The following CLDN5 variants were observed in gnomAD, a reference collection of about 807,000 sequenced individuals.
The protein encoded by CLDN5 is claudin-5.
A neutral mutation model predicts 1.3 loss-of-function variants in CLDN5; 4 were observed. The observed-to-expected ratio is 3.07, with a 90% CI of 1.51 to 7.03. The LOEUF (loss-of-function observed/expected upper bound fraction) is 7.03. Among genes scored for constraint, CLDN5 ranks in the 30% most tolerant of loss-of-function variants. The pLI is 0.00. For missense variants in CLDN5, 225 were observed against 303.5 expected, an observed-to-expected ratio of 0.74 and a Z score of 1.92; for synonymous variants, 156 against 152.3, an observed-to-expected ratio of 1.02 and a Z score of -0.18.
chr22:19,524,454 T>C, upstream of CLDN5: 1 of 1,434,874 alleles, frequency 7.0e-7, no homozygotes, highest in Non-Finnish European at 9.1e-7. Flanking sequence ...CGGGGGCGGA[T>C]TCTGTCCCCC....
chr22:19,524,097 C>G lies in CLDN5; in HGVS notation c.159G>C (p.Ser53=), dbSNP rs1470028709. The change falls in exon 1 of 1, where the codon TCG becomes TCC. Residue 53 remains serine (S), a synonymous_variant. Transcript: ENST00000618236. The stretch of plus-strand genomic sequence containing the variant: ...TGTGCCCGGTGCTCTGCACCACGCA[C>G]GACATCCACAGCCCCTTCCAGGTGG... ...AQTTWKGLWM[S]CVVQSTGHMQ... is the part of the protein sequence containing the mutation. The G allele has an allele frequency of 1.2e-6, 2 of 1,607,212 alleles. No homozygotes were observed. The highest frequency in any genetic ancestry group is 1.3e-5 in the African/African-American group (1 of 75,044).
chr22:19,523,797 G>C lies in CLDN5; in HGVS notation c.459C>G (p.Pro153=). The C allele has an allele frequency of 6.2e-7, 1 of 1,606,530 alleles. No homozygotes were observed. Among genetic ancestry groups the C allele is most frequent in the Admixed American group, 1.7e-5 (1 of 58,908 alleles). The change falls in exon 1 of 1, where the codon CCC becomes CCG. Residue 153 remains proline, a synonymous_variant. Transcript: ENST00000618236. ...VVREFYDPSV[P]VSQKYELGAA... is the part of the protein sequence containing the mutation. ...CGCCCAGCTCGTACTTCTGCGACAC[G>C]GGCACAGACGGGTCGTAAAACTCGC...
Position 19,523,428 on chromosome 22 carries a change from G to A in CLDN5, c.*171C>T. On this transcript the variant is annotated 3_prime_UTR_variant, in exon 1 of 1. Coordinates refer to ENST00000618236, the MANE Select transcript of CLDN5 (RefSeq NM_001363066.2). The stretch of plus-strand genomic sequence containing the variant: ...AGTGGCAGGAGAAGGTCAGCTGCGG[G>A]CGCAGGCAGGAGCGGATCCAGGAGC... 1.1e-6 allele frequency: 1 copy of A among 878,702 alleles called. No individual in the cohort carries two copies. The highest frequency in any genetic ancestry group is 1.6e-6 in the Non-Finnish European group (1 of 607,712). 54.4% of individuals were successfully genotyped at this position (878,702 alleles called of 1,614,324 possible). A position where few individuals can be genotyped will look rare whatever the true frequency, so the allele number is the denominator to read the frequency against.
In CLDN5 at chr22:19,523,619, C is replaced by A; in HGVS notation, c.637G>T (p.Asp213Tyr). The change falls in exon 1 of 1, where the codon GAC becomes TAC. Residue 213 changes from aspartate to tyrosine, a missense_variant. This residue lies in a region of CLDN5 where 165 missense variants were observed against 211.9 expected (regional missense o/e 0.78). Coordinates refer to ENST00000618236, the MANE Select transcript of CLDN5 (RefSeq NM_001363066.2). ...PRRPTATGDY[D>Y]KKNYV ...CGCCCTCAGACGTAGTTCTTCTTGT[C>A]GTAGTCGCCGGTGGCCGTGGGCCGC... is the stretch of plus-strand genomic sequence containing the variant. 6.3e-7 allele frequency: 1 copy of A among 1,597,238 alleles called. No homozygotes were observed.
At position 19,524,094 on chromosome 22, in the gene CLDN5, G is replaced by T. The variant is rs1157923478; in HGVS notation, c.162C>A (p.Cys54Ter). Residue 54 changes from cysteine (C) to a stop codon, truncating the protein, a stop_gained, in exon 1 of 1, where the codon TGC (cysteine) becomes TGA (stop). Transcript: ENST00000618236. LOFTEE classifies it low-confidence loss of function (END_TRUNC). ...GCATGTGCCCGGTGCTCTGCACCACGCACGACATCCACAGCCCCTTCCAGG... is the reference window on the plus strand; with the variant it reads ...GCATGTGCCCGGTGCTCTGCACCACTCACGACATCCACAGCCCCTTCCAGG... ...QTTWKGLWMS[C>*]VVQSTGHMQC... 6.2e-7 allele frequency: 1 copy of T among 1,606,732 alleles called. No homozygotes were observed. The highest frequency in any genetic ancestry group is 8.5e-7 in the Non-Finnish European group (1 of 1,179,744).
Position 19,524,122 on chromosome 22 carries a change from G to T in CLDN5, c.134C>A (p.Thr45Asn), listed in dbSNP as rs2146466015. Residue 45 changes from threonine to asparagine, a missense_variant, in exon 1 of 1, where the codon ACC (threonine) becomes AAC (asparagine). Around this residue, in one of 3 missense-constraint regions of CLDN5, gnomAD observed 19 missense variants for 51.1 expected, o/e 0.37. Coordinates refer to ENST00000618236, the MANE Select transcript of CLDN5 (RefSeq NM_001363066.2). ...CGACATCCACAGCCCCTTCCAGGTG[G>T]TCTGCGCCGTCACGATGTTGTGGTC... ...FLDHNIVTAQ[T>N]TWKGLWMSCV... 1 of 1,609,296 alleles carries T rather than the reference G, an allele frequency of 6.2e-7. No homozygotes were observed. The highest frequency in any genetic ancestry group is 8.5e-7 in the Non-Finnish European group (1 of 1,179,842).
upstream of CLDN5, chr22:19,524,460 C>A: frequency 1.4e-6 from 2 of 1,431,642 alleles, no homozygotes; most frequent in Non-Finnish European, 1.8e-6. Flanking sequence ...CGGATTCTGT[C>A]CCCCGGGCCC....
In CLDN5 at chr22:19,523,979, C is replaced by A. The variant is rs1202017889; in HGVS notation, c.277G>T (p.Val93Phe). 2 of 1,588,220 alleles carry A rather than the reference C, an allele frequency of 1.3e-6. No homozygotes were observed. The highest frequency in any genetic ancestry group is 2.3e-5 in the East Asian group (1 of 44,144). Residue 93 changes from valine (V) to phenylalanine (F), a missense_variant, in exon 1 of 1, where the codon GTT (valine) becomes TTT (phenylalanine). Val to Phe is a conservative substitution (Grantham distance 50). Coordinates refer to ENST00000618236, the MANE Select transcript of CLDN5 (RefSeq NM_001363066.2). ...CCCGCCAGGGTCACGAAGAGCGCAA[C>A]GAACGCCAGCAGCACGGCGCTCACG... ...LTVSAVLLAF[V>F]ALFVTLAGAQ...
At position 19,524,142 on chromosome 22, in the gene CLDN5, G is replaced by A; in HGVS notation, c.114C>T (p.His38=). 1.9e-6 allele frequency: 3 copies of A among 1,610,556 alleles called. No homozygotes were observed. Among genetic ancestry groups the A allele is most frequent in the South Asian group, 2.2e-5 (2 of 91,036 alleles). ...PMWQVTAFLD[H]NIVTAQTTWK... ...AGGTGGTCTGCGCCGTCACGATGTTGTGGTCCAGGAAGGCGGTCACCTGCC... is the reference window on the plus strand; with the variant it reads ...AGGTGGTCTGCGCCGTCACGATGTTATGGTCCAGGAAGGCGGTCACCTGCC... Residue 38 remains histidine (H), a synonymous_variant, in exon 1 of 1, where the codon CAC becomes CAT. Transcript: ENST00000618236.
rs1316977076 is a variant in CLDN5, at chr22:19,523,464, C to G, written c.*135G>C. The G allele has an allele frequency of 7.9e-7, 1 of 1,266,492 alleles. No individual in the cohort carries two copies. 78.5% of individuals were successfully genotyped at this position (1,266,492 alleles called of 1,614,324 possible). On this transcript the variant is annotated 3_prime_UTR_variant, in exon 1 of 1. Coordinates refer to ENST00000618236, the MANE Select transcript of CLDN5 (RefSeq NM_001363066.2). ...AGCGGATCCAGGAGCCGCGTCGGGG[C>G]GCAGAGCCGGACGTTCCGAGGAGCC...
At chr22:19,524,986 A>T, upstream of CLDN5, 1 of 1,006,292 alleles carries the variant, frequency 9.9e-7, no homozygotes, top group Non-Finnish European at 1.2e-6. Context: ...CCCATGGCAA[A>T]CAGAGAGGCC....
In CLDN5 at chr22:19,524,170, A is replaced by G. The variant is rs150374465; in HGVS notation, c.86T>C (p.Met29Thr). The G allele has an allele frequency of 1.2e-6, 2 of 1,611,284 alleles. No homozygotes were observed. The highest frequency in any genetic ancestry group is 1.1e-5 in the South Asian group (1 of 90,820). ...GTCCAGGAAGGCGGTCACCTGCCAC[A>G]TGGGCAGCCCGCACGCCAGGATCAG... ...GGLILACGLP[M>T]WQVTAFLDHN... The change falls in exon 1 of 1, where the codon ATG becomes ACG. Residue 29 changes from methionine (M) to threonine (T), a missense_variant. Met to Thr is a moderately conservative substitution (Grantham distance 81, BLOSUM62 -1). Coordinates refer to ENST00000618236, the MANE Select transcript of CLDN5 (RefSeq NM_001363066.2).
rs533261799 is a variant in CLDN5 at position 19,524,127 on chromosome 22, C to T, written c.129G>A (p.Ala43=). The part of the protein sequence containing the change: ...TAFLDHNIVT[A]QTTWKGLWMS... ...TCCACAGCCCCTTCCAGGTGGTCTG[C>T]GCCGTCACGATGTTGTGGTCCAGGA... Residue 43 remains alanine (A), a synonymous_variant, in exon 1 of 1, where the codon GCG becomes GCA. Transcript: ENST00000618236. 20 of 1,609,564 alleles carry T rather than the reference C, an allele frequency of 1.2e-5. No homozygotes were observed. The highest frequency in any genetic ancestry group is 1.3e-5 in the African/African-American group (1 of 75,048).
Position 19,524,007 on chromosome 22 carries a change from G to C in CLDN5, c.249C>G (p.Leu83=), listed in dbSNP as rs375234645. ...ACGCCAGCAGCACGGCGCTCACGGT[G>C]AGCGCCCGCGCCGCCTGCACCTCGG... ...LSTEVQAARA[L]TVSAVLLAFV... Residue 83 remains leucine, a synonymous_variant, in exon 1 of 1, where the codon CTC becomes CTG. Transcript: ENST00000618236. The C allele has an allele frequency of 6.3e-7, 1 of 1,591,438 alleles. No individual in the cohort carries two copies. The highest frequency in any genetic ancestry group is 8.5e-7 in the Non-Finnish European group (1 of 1,175,126).
chr22:19,523,784 ACTT>A lies in CLDN5; in HGVS notation c.469_471del (p.Lys157del). 1 of 1,606,144 alleles carries A rather than the reference ACTT, an allele frequency of 6.2e-7. No individual in the cohort carries two copies. The highest frequency in any genetic ancestry group is 8.5e-7 in the Non-Finnish European group (1 of 1,176,990). Reference sequence around the variant, plus strand: ...ATGTACAGCGCTGCGCCCAGCTCGTACTTCTGCGACACGGGCACAGACGGGTCG... The same window carrying A: ...ATGTACAGCGCTGCGCCCAGCTCGTACTGCGACACGGGCACAGACGGGTCG... On this transcript the variant is annotated inframe_deletion, in exon 1 of 1. Transcript: ENST00000618236.
rs766079245 is a variant in CLDN5, at chr22:19,523,773, G to A, written c.483C>T (p.Gly161=). 6.2e-7 allele frequency: 1 copy of A among 1,605,346 alleles called. No homozygotes were observed. Among genetic ancestry groups the A allele is most frequent in the Non-Finnish European group, 8.5e-7 (1 of 1,176,772 alleles). The change falls in exon 1 of 1, where the codon GGC becomes GGT. Residue 161 remains glycine, a synonymous_variant. Transcript: ENST00000618236. ...SVPVSQKYEL[G]AALYIGWAAT... The stretch of plus-strand genomic sequence containing the variant: ...CCGCCCAGCCGATGTACAGCGCTGC[G>A]CCCAGCTCGTACTTCTGCGACACGG...
chr22:19,524,247 G>C lies in CLDN5; in HGVS notation c.9C>G (p.Ser3=), dbSNP rs372721387. 1 of 1,578,104 alleles carries C rather than the reference G, an allele frequency of 6.3e-7. No individual in the cohort carries two copies. The highest frequency in any genetic ancestry group is 8.6e-7 in the Non-Finnish European group (1 of 1,162,656). MG[S]AALEILGLVL... ...CCAGGCCCAGGATCTCCAACGCTGC[G>C]GACCCCATGGCTAGAGGCGAGACGC... Residue 3 remains serine, a synonymous_variant, in exon 1 of 1, where the codon TCC becomes TCG. Coordinates refer to ENST00000618236, the MANE Select transcript of CLDN5 (RefSeq NM_001363066.2).
In CLDN5 at chr22:19,523,481, C is replaced by T. The variant is rs918646306; in HGVS notation, c.*118G>A. 6.7e-5 allele frequency: 93 copies of T among 1,386,480 alleles called. No homozygotes were observed. The highest frequency in any genetic ancestry group is 2.8e-4 in the Admixed American group (10 of 35,322). The allele number at this position is 1,386,480 out of a possible 1,614,324, so 85.9% of individuals were successfully genotyped here. A position where few individuals can be genotyped will look rare whatever the true frequency, so the allele number is the denominator to read the frequency against. ...CGTCGGGGCGCAGAGCCGGACGTTC[C>T]GAGGAGCCTGCGCGCCGCGCTACCC... On this transcript the variant is annotated 3_prime_UTR_variant, in exon 1 of 1. Transcript: ENST00000618236.
chr22:19,523,403 A>T lies in CLDN5; in HGVS notation c.*196T>A. On this transcript the variant is annotated 3_prime_UTR_variant, in exon 1 of 1. Transcript: ENST00000618236. ...CGTCTGTTAAGGGCAGGGCCGGGCT[A>T]GTGGCAGGAGAAGGTCAGCTGCGGG... The T allele has an allele frequency of 1.5e-6, 1 of 666,866 alleles. No individual in the cohort carries two copies. The highest frequency in any genetic ancestry group is 2.4e-6 in the Non-Finnish European group (1 of 416,944). 41.3% of individuals were successfully genotyped at this position (666,866 alleles called of 1,614,324 possible). A position where few individuals can be genotyped will look rare whatever the true frequency, so the allele number is the denominator to read the frequency against.
Sources: allele counts gnomAD v4.1 joint callset, GRCh38; gene constraint gnomAD v4.1.1; regional missense constraint gnomAD v4.1.1; transcripts MANE v1.5; gene names NCBI Gene and HGNC (gene_info 2026-07-23, HGNC 2026-07-21).